Variants in ITM2A observed in about 807,000 individuals in gnomAD.
ITM2A encodes integral membrane protein 2A.
Under a neutral mutation model 16.6 loss-of-function variants are expected in ITM2A, and 11 were observed. The ratio of observed to expected loss-of-function variants is 0.66; its 90% CI spans 0.42 to 1.10. The LOEUF (loss-of-function observed/expected upper bound fraction) is 1.10. ITM2A is among the 50% of genes least tolerant of loss of function. ITM2A has a pLI of 0.00. For synonymous variants in ITM2A, 102 were observed against 71.2 expected (o/e 1.43, Z -2.18); for missense variants, 243 against 206.8 (o/e 1.17, Z -1.07).
Position 79,360,946 on chromosome X carries a change from G to GTTTTTT in ITM2A, c.*137_*142dup. The GTTTTTT allele has an allele frequency of 3.7e-6, 1 of 270,586 alleles. No individual in the cohort carries two copies. Among genetic ancestry groups the GTTTTTT allele is most frequent in the East Asian group, 5.6e-5 (1 of 17,866 alleles). 22.3% of individuals were successfully genotyped at this position (270,586 alleles called of 1,213,427 possible). A position where few individuals can be genotyped will look rare whatever the true frequency, so the allele number is the denominator to read the frequency against. On this transcript the variant is annotated 3_prime_UTR_variant, in exon 6 of 6. Coordinates refer to ENST00000373298, the MANE Select transcript of ITM2A (RefSeq NM_004867.5). The stretch of plus-strand genomic sequence containing the variant: ...TGACAAGAGCTTGCAGTGGTTAGTA[G>GTTTTTT]TTTTTTTTTTTCCTTTTTTTAAAGC...
rs1224014704 is a variant in ITM2A, at chrX:79,367,137, G to C, written c.79C>G (p.Arg27Gly). ...ARQDVEALLS[R>G]TVRTQILTGK... Reference sequence around the variant, plus strand: ...GTCAGTATCTGAGTTCTGACCGTGCGGCTCAGGAGGGCCTCCACGTCTTGC... The same window carrying C: ...GTCAGTATCTGAGTTCTGACCGTGCCGCTCAGGAGGGCCTCCACGTCTTGC... The change falls in exon 1 of 6, where the codon CGC becomes GGC. Residue 27 changes from arginine (R) to glycine (G), a missense_variant. Transcript: ENST00000373298. The C allele has an allele frequency of 1.5e-5, 18 of 1,204,820 alleles. No homozygotes were observed. Among genetic ancestry groups the C allele is most frequent in the Non-Finnish European group, 1.8e-5 (16 of 892,805 alleles).
At position 79,361,314 on chromosome X, in the gene ITM2A, A is replaced by G. The variant is rs754772102; in HGVS notation, c.703+15T>C. 8.3e-7 allele frequency: 1 copy of G among 1,198,782 alleles called. No homozygotes were observed. Among genetic ancestry groups the G allele is most frequent in the Non-Finnish European group, 1.1e-6 (1 of 885,176 alleles). ...TGTAACACAGGGTGAAGGAAGGAAT[A>G]CATTAGTTACTTACCCAGCAAGAGG... On this transcript the variant is annotated intron_variant, in intron 5 of 5. Coordinates refer to ENST00000373298, the MANE Select transcript of ITM2A (RefSeq NM_004867.5).
chrX:79,360,988 A>G lies in ITM2A; in HGVS notation c.*101T>C, dbSNP rs1925397631. 2.4e-6 allele frequency: 1 copy of G among 415,406 alleles called. No individual in the cohort carries two copies. The highest frequency in any genetic ancestry group is 4.0e-6 in the Non-Finnish European group (1 of 248,208). 34.2% of individuals were successfully genotyped at this position (415,406 alleles called of 1,213,427 possible). A position where few individuals can be genotyped will look rare whatever the true frequency, so the allele number is the denominator to read the frequency against. Reference sequence around the variant, plus strand: ...TTTTAAAGCATAAGCAATAGAGTAAATGCATGAGTAAATATCTTGAGTATC... The same window carrying G: ...TTTTAAAGCATAAGCAATAGAGTAAGTGCATGAGTAAATATCTTGAGTATC... On this transcript the variant is annotated 3_prime_UTR_variant, in exon 6 of 6. Coordinates refer to ENST00000373298, the MANE Select transcript of ITM2A (RefSeq NM_004867.5).
chrX:79,366,533 C>T (rs893536763), intron 1 of ITM2A, among the ~76,000 whole-genome samples: 5 of 110,839 alleles, frequency 4.5e-5, no homozygotes, highest in African/African-American at 6.6e-5. Flanking sequence ...GGAAAATATT[C>T]GCGCGCTCAA....
In ITM2A at chrX:79,367,302, C is replaced by A; in HGVS notation, c.-87G>T. The A allele has an allele frequency of 1.8e-6, 1 of 568,068 alleles. No homozygotes were observed. 46.8% of individuals were successfully genotyped at this position (568,068 alleles called of 1,213,427 possible). On this transcript the variant is annotated 5_prime_UTR_variant, in exon 1 of 6. Coordinates refer to ENST00000373298, the MANE Select transcript of ITM2A (RefSeq NM_004867.5). The stretch of plus-strand genomic sequence containing the variant: ...CAAGAGGAGATCCTGTTAGCCCAAA[C>A]AGCACTTACTTTATCTTCAGTCTAA...
At chrX:79,362,491 T>C (rs1925451581) in intron 4 of ITM2A, 90 bp downstream of exon 4, 2 of 478,328 alleles carry the variant, frequency 4.2e-6, no homozygotes, top group East Asian at 7.5e-5. Flanking sequence ...AAATAAAATG[T>C]TTTGGACAAA....
intron 2 of ITM2A, 60 bp downstream of exon 2, chrX:79,363,363 G>A (rs776649830): frequency 1.1e-6 from 1 of 946,454 alleles, no homozygotes; most frequent in South Asian, 2.7e-5. Context: ...TTTTTAAGTT[G>A]CTACTAAATG....
intron 1 of ITM2A, among the ~76,000 whole-genome samples, chrX:79,365,665 GA>G (rs11423549): frequency 1.0e-4 from 10 of 98,418 alleles, no homozygotes; most frequent in East Asian, 3.2e-4. Context: ...TGGCGGTGAA[GA>G]AAAAAAAAAA....
At position 79,363,489 on chromosome X, in the gene ITM2A, G is replaced by T. The variant is rs762036563; in HGVS notation, c.177C>A (p.Gly59=). The T allele has an allele frequency of 8.5e-7, 1 of 1,180,986 alleles. No individual in the cohort carries two copies. The highest frequency in any genetic ancestry group is 1.8e-5 in the African/African-American group (1 of 56,401). Residue 59 remains glycine, a synonymous_variant, in exon 2 of 6, where the codon GGC becomes GGA. Transcript: ENST00000373298. ...SSGRCMLTLL[G]LSFILAGLIV... is the part of the protein sequence containing the mutation. ...TAAGTCCTGCCAAGATGAATGAAAGGCCTAAGAGAGTAAGCATACATCTCC... is the reference window on the plus strand; with the variant it reads ...TAAGTCCTGCCAAGATGAATGAAAGTCCTAAGAGAGTAAGCATACATCTCC...
At position 79,367,114 on chromosome X, in the gene ITM2A, C is replaced by G; in HGVS notation, c.102G>C (p.Leu34=). 1 of 1,189,259 alleles carries G rather than the reference C, an allele frequency of 8.4e-7. No individual in the cohort carries two copies. The highest frequency in any genetic ancestry group is 1.1e-6 in the Non-Finnish European group (1 of 879,322). ...GCCCTGGGACAGCTACCTTGCCGGT[C>G]AGTATCTGAGTTCTGACCGTGCGGC... ...LLSRTVRTQI[L]TGKELRVATQ... Residue 34 remains leucine, a synonymous_variant, in exon 1 of 6, where the codon CTG becomes CTC. Coordinates refer to ENST00000373298, the MANE Select transcript of ITM2A (RefSeq NM_004867.5).
intron 3 of ITM2A, 83 bp downstream of exon 3, chrX:79,362,859 G>A (rs1208964899): frequency 1.3e-6 from 1 of 786,367 alleles, no homozygotes; most frequent in African/African-American, 2.1e-5. Flanking sequence ...ATTCATGAAT[G>A]AATTTAATAC....
At chrX:79,361,547 A>G in intron 4 of ITM2A, 68 bp from the exon 5 acceptor site, 1 of 955,549 alleles carries the variant, frequency 1.0e-6, no homozygotes, top group Non-Finnish European at 1.5e-6. Flanking sequence ...GTTCAGGAGT[A>G]AAAGTGCAAG....
intron 4 of ITM2A, among the ~76,000 whole-genome samples, chrX:79,362,055 T>C (rs1229196122): frequency 3.6e-5 from 4 of 111,062 alleles, no homozygotes; most frequent in Admixed American, 1.9e-4. Context: ...CACCCAGTAA[T>C]GCGATTGCTG....
Position 79,360,990 on chromosome X carries a change from G to T in ITM2A, c.*99C>A. On this transcript the variant is annotated 3_prime_UTR_variant, in exon 6 of 6. Coordinates refer to ENST00000373298, the MANE Select transcript of ITM2A (RefSeq NM_004867.5). Reference sequence around the variant, plus strand: ...TTAAAGCATAAGCAATAGAGTAAATGCATGAGTAAATATCTTGAGTATCCC... The same window carrying T: ...TTAAAGCATAAGCAATAGAGTAAATTCATGAGTAAATATCTTGAGTATCCC... 2.5e-6 allele frequency: 1 copy of T among 399,088 alleles called. No homozygotes were observed. Among genetic ancestry groups the T allele is most frequent in the Non-Finnish European group, 4.2e-6 (1 of 238,885 alleles). 32.9% of individuals were successfully genotyped at this position (399,088 alleles called of 1,213,427 possible). A position where few individuals can be genotyped will look rare whatever the true frequency, so the allele number is the denominator to read the frequency against.
chrX:79,363,995 T>A (rs1383552321), intron 1 of ITM2A, among the ~76,000 whole-genome samples: 1 of 112,114 alleles, frequency 8.9e-6, no homozygotes, highest in East Asian at 2.8e-4. Flanking sequence ...AAGTAATTAC[T>A]TTTTGAACTA....
At chrX:79,361,602 T>C (rs1187975052) in intron 4 of ITM2A, 123 bp from the exon 5 acceptor site, 1 of 563,047 alleles carries the variant, frequency 1.8e-6, no homozygotes, top group East Asian at 3.6e-5. Context: ...GTTGTAGAGA[T>C]TATTTAATCA....
In ITM2A at chrX:79,361,003, T is replaced by C. The variant is rs15751; in HGVS notation, c.*86A>G. On this transcript the variant is annotated 3_prime_UTR_variant, in exon 6 of 6. Transcript: ENST00000373298. ...AATAGAGTAAATGCATGAGTAAATA[T>C]CTTGAGTATCCCATAAACCTTAATG... is the stretch of plus-strand genomic sequence containing the variant. 7 of 481,537 alleles carry C rather than the reference T, an allele frequency of 1.5e-5. No individual in the cohort carries two copies. The highest frequency in any genetic ancestry group is 2.4e-5 in the Non-Finnish European group (7 of 296,245). The allele number at this position is 481,537 out of a possible 1,213,427, so 39.7% of individuals were successfully genotyped here. A position where few individuals can be genotyped will look rare whatever the true frequency, so the allele number is the denominator to read the frequency against.
rs760905544 is a variant in ITM2A at position 79,360,963 on chromosome X, T to C, written c.*126A>G. ...GGTTAGTAGTTTTTTTTTTTCCTTTTTTTAAAGCATAAGCAATAGAGTAAA... is the reference window on the plus strand; with the variant it reads ...GGTTAGTAGTTTTTTTTTTTCCTTTCTTTAAAGCATAAGCAATAGAGTAAA... On this transcript the variant is annotated 3_prime_UTR_variant, in exon 6 of 6. Transcript: ENST00000373298. 6.0e-6 allele frequency: 2 copies of C among 331,191 alleles called. No individual in the cohort carries two copies. The allele number at this position is 331,191 out of a possible 1,213,427, so 27.3% of individuals were successfully genotyped here. A position where few individuals can be genotyped will look rare whatever the true frequency, so the allele number is the denominator to read the frequency against.
chrX:79,361,868 T>C, intron 4 of ITM2A, among the ~76,000 whole-genome samples: 1 of 109,583 alleles, frequency 9.1e-6, no homozygotes, highest in East Asian at 2.8e-4. Flanking sequence ...TGTGATTTTT[T>C]TTTTTTTTTG....
Sources: gnomAD v4.1 joint callset for allele counts (sites outside exome capture counted in the v4.1 genomes callset) on GRCh38, gnomAD v4.1.1 for gene constraint, MANE v1.5 for transcripts, NCBI Gene and HGNC (gene_info 2026-07-23, HGNC 2026-07-21) for gene names.